The following SORCS3 variants were observed in gnomAD, a reference collection of about 807,000 sequenced individuals.
SORCS3 encodes VPS10 domain-containing receptor SorCS3.
SORCS3 carries 57 observed loss-of-function variants against 146.3 expected under a neutral mutation model. That is an observed-to-expected ratio of 0.39 (90% CI 0.31 to 0.49). SORCS3 has a LOEUF of 0.49. SORCS3 is among the 20% of genes least tolerant of loss of function. The pLI, the probability that SORCS3 is intolerant of heterozygous loss-of-function variation, is 0.92. For missense variants in SORCS3, 1,341 were observed against 1,575.5 expected (o/e 0.85, Z 2.52); for synonymous variants, 653 against 618.5 (o/e 1.06, Z -0.83).
intron 23 of SORCS3, 54 bp downstream of exon 23, chr10:105,252,960 G>A (rs373877237): frequency 6.3e-7 from 1 of 1,584,658 alleles, no homozygotes; most frequent in Non-Finnish European, 8.6e-7. Context: ...CACCCTGAGA[G>A]GGCACAAAGC....
chr10:104,801,183 C>T (rs531880771), intron 1 of SORCS3, among the ~76,000 whole-genome samples: 63 of 152,296 alleles, frequency 4.1e-4, no homozygotes, highest in African/African-American at 1.5e-3. Flanking sequence ...CTTAATCTCT[C>T]TGTGCCCAGA....
At position 105,147,397 on chromosome 10, in the gene SORCS3, TC is replaced by T. The variant is rs1589655156; in HGVS notation, c.1303-219del. 2.0e-5 allele frequency among the ~76,000 whole-genome samples: 3 copies of T among 152,100 alleles called. No homozygotes were observed. The East Asian group carries it at 5.8e-4, about 29-fold the overall frequency. Reference sequence around the variant, plus strand: ...TCCTTGAAAGCCATGGGAAATGATATCAACCAAAGCCCCTAACACCCATTTT... The same window carrying T: ...TCCTTGAAAGCCATGGGAAATGATATAACCAAAGCCCCTAACACCCATTTT... On this transcript the variant is annotated intron_variant, in intron 8 of 26. Transcript: ENST00000369701.
chr10:105,179,471 G>C (rs1044848097), intron 14 of SORCS3, among the ~76,000 whole-genome samples: 1 of 152,132 alleles, frequency 6.6e-6, no homozygotes, highest in African/African-American at 2.4e-5. Flanking sequence ...TTCTGTGCCT[G>C]TTTTATTTTC....
intron 2 of SORCS3, among the ~76,000 whole-genome samples, chr10:104,847,255 C>A (rs2018216222): frequency 6.6e-6 from 1 of 152,182 alleles, no homozygotes. Flanking sequence ...GCCAATTAAT[C>A]CACTGCTCGA....
chr10:105,154,517 G>A (rs1321005171), intron 9 of SORCS3, among the ~76,000 whole-genome samples: 1 of 152,170 alleles, frequency 6.6e-6, no homozygotes, highest in African/African-American at 2.4e-5. Context: ...GTTCTCTTCC[G>A]TGGGCACCAT....
At chr10:105,226,117 G>A (rs2056732536) in intron 20 of SORCS3, among the ~76,000 whole-genome samples, 2 of 151,758 alleles carry the variant, frequency 1.3e-5, no homozygotes, top group Admixed American at 1.3e-4. Context: ...GTGAAAATGG[G>A]CATCCTTATC....
intron 7 of SORCS3, among the ~76,000 whole-genome samples, chr10:105,110,462 A>G (rs774668300): frequency 2.6e-5 from 4 of 151,364 alleles, no homozygotes; most frequent in Non-Finnish European, 5.9e-5. Flanking sequence ...TTTTATCTTT[A>G]TATGTTTAAC....
intron 25 of SORCS3, among the ~76,000 whole-genome samples, chr10:105,257,198 A>G (rs1267935855): frequency 6.6e-6 from 1 of 152,218 alleles, no homozygotes; most frequent in Non-Finnish European, 1.5e-5. Context: ...GAGAAGTGTA[A>G]GGGGTTTTCA....
intron 3 of SORCS3, among the ~76,000 whole-genome samples, chr10:104,963,669 G>A (rs2054810437): frequency 1.3e-5 from 2 of 152,052 alleles, no homozygotes; most frequent in Admixed American, 6.6e-5. Context: ...TCTCCCCGGA[G>A]TATAAACCTT....
chr10:104,967,819 A>G (rs769774143), intron 3 of SORCS3, among the ~76,000 whole-genome samples: 1 of 149,366 alleles, frequency 6.7e-6, no homozygotes, highest in Non-Finnish European at 1.5e-5. Context: ...CCACCACACC[A>G]GACTAATTTT....
intron 1 of SORCS3, among the ~76,000 whole-genome samples, chr10:104,659,688 A>G (rs997957307): frequency 1.3e-5 from 2 of 152,136 alleles, no homozygotes; most frequent in Admixed American, 6.5e-5. Context: ...ATATAATCCC[A>G]TTTTGCCTGG....
chr10:105,257,791 A>C (rs2056940020), intron 25 of SORCS3, among the ~76,000 whole-genome samples: 1 of 152,184 alleles, frequency 6.6e-6, no homozygotes, highest in African/African-American at 2.4e-5. Context: ...TAAGTAATCA[A>C]AAAAGCTATG....
chr10:105,076,329 G>A (rs1295328779), intron 5 of SORCS3, among the ~76,000 whole-genome samples: 1 of 152,202 alleles, frequency 6.6e-6, no homozygotes, highest in African/African-American at 2.4e-5. Flanking sequence ...ATGATGCCCA[G>A]TGTGTAAGTG....
intron 3 of SORCS3, among the ~76,000 whole-genome samples, chr10:104,955,842 A>G (rs1413952261): frequency 6.6e-6 from 1 of 152,184 alleles, no homozygotes; most frequent in Non-Finnish European, 1.5e-5. Flanking sequence ...CTGAAAGACA[A>G]TAAATTGGGC....
intron 11 of SORCS3, among the ~76,000 whole-genome samples, chr10:105,163,921 C>CACACACACACACACACACA (rs2056289723): frequency 6.8e-6 from 1 of 146,642 alleles, no homozygotes; most frequent in Non-Finnish European, 1.5e-5. Flanking sequence ...CACACACACA[C>CACACACACACACACACACA]CAGTTTTTCT....
In SORCS3 at chr10:105,263,551, A is replaced by G. The variant is rs140559383; in HGVS notation, c.*177A>G. 4.5e-3 allele frequency: 2,777 copies of G among 611,080 alleles called. 14 individuals carry two copies. Among genetic ancestry groups the G allele is most frequent in the Non-Finnish European group, 6.6e-3 (2,307 of 348,980 alleles). 37.9% of individuals were successfully genotyped at this position (611,080 alleles called of 1,614,324 possible). A position where few individuals can be genotyped will look rare whatever the true frequency, so the allele number is the denominator to read the frequency against. ...AAAAGGGCATTCTTAGCTGATTGAA[A>G]TGAGACAAAGGGAATAAATGGCTGT... On this transcript the variant is annotated 3_prime_UTR_variant, in exon 27 of 27. Coordinates refer to ENST00000369701, the MANE Select transcript of SORCS3 (RefSeq NM_014978.3).
chr10:105,176,875 C>A (rs1417486463), intron 13 of SORCS3, among the ~76,000 whole-genome samples: 2 of 147,912 alleles, frequency 1.4e-5, no homozygotes, highest in South Asian at 2.1e-4. Flanking sequence ...CAAACAAAAA[C>A]CCTTCACAGT....
At chr10:104,859,516 T>C (rs2018375994) in intron 2 of SORCS3, among the ~76,000 whole-genome samples, 1 of 152,178 alleles carries the variant, frequency 6.6e-6, no homozygotes, top group East Asian at 1.9e-4. Flanking sequence ...GGGCAAGGAC[T>C]TCATGTCTAA....
In SORCS3 at chr10:105,095,647, G is replaced by C. The variant is rs561288139; in HGVS notation, c.1093+5808G>C. Among the ~76,000 whole-genome samples, 4 of 150,226 alleles carry C rather than the reference G, an allele frequency of 2.7e-5. No homozygotes were observed. The South Asian group carries it at 8.5e-4, about 32-fold the overall frequency. ...GCAGCCATTAGGTACCACTCTTTCT[G>C]CTCAATCTCCATGGGAGCCATGTTT... On this transcript the variant is annotated intron_variant, in intron 6 of 26. Transcript: ENST00000369701.
Sources: gnomAD v4.1 joint callset for allele counts (sites outside exome capture counted in the v4.1 genomes callset) on GRCh38, gnomAD v4.1.1 for gene constraint, MANE v1.5 for transcripts, NCBI Gene and HGNC (gene_info 2026-07-23, HGNC 2026-07-21) for gene names.